Variants in URGCP observed in about 807,000 individuals in gnomAD.
The protein encoded by URGCP is upregulator of cell proliferation.
URGCP carries 13 observed loss-of-function variants against 24.6 expected under a neutral mutation model. The ratio of observed to expected loss-of-function variants is 0.53; its 90% CI spans 0.34 to 0.84. The LOEUF (loss-of-function observed/expected upper bound fraction) is 0.84. Ranked by LOEUF, URGCP falls within the 40% of genes least tolerant of loss-of-function variation. The pLI is 0.01. For missense variants in URGCP, 899 were observed against 1,194.3 expected, an observed-to-expected ratio of 0.75 and a Z score of 3.64; for synonymous variants, 444 against 487.2, an observed-to-expected ratio of 0.91 and a Z score of 1.17.
At chr7:43,891,894 G>T (rs562636077) in intron 1 of URGCP, among the ~76,000 whole-genome samples, 1 of 151,990 alleles carries the variant, frequency 6.6e-6, no homozygotes, top group African/African-American at 2.4e-5. Context: ...CAATTCTCCT[G>T]CCTCAGCCTC....
intron 1 of URGCP, chr7:43,888,094 T>C (rs1025792057): frequency 5.1e-6 from 2 of 394,112 alleles, no homozygotes; most frequent in Non-Finnish European, 9.2e-6. Flanking sequence ...TGTTTATCTA[T>C]AGGTATATAT....
chr7:43,895,922 A>G (rs1018648881), intron 1 of URGCP, among the ~76,000 whole-genome samples: 2 of 152,268 alleles, frequency 1.3e-5, no homozygotes, highest in Non-Finnish European at 2.9e-5. Flanking sequence ...TAGCCAAGAT[A>G]GGGAATCAAT....
At chr7:43,926,355 C>T in exon 1 of URGCP, 1 of 323,928 alleles carries the variant, frequency 3.1e-6, no homozygotes, top group Non-Finnish European at 5.0e-6. Flanking sequence ...GGCAGCCCCG[C>T]TGCTTCCCCT....
rs778279508 is a variant in URGCP, at chr7:43,877,279, G to A, written c.2184C>T (p.Ala728=). The change falls in exon 6 of 6, where the codon GCC becomes GCT. Residue 728 remains alanine (A), a synonymous_variant. Transcript: ENST00000453200. ...CAGCCACTGTGATGAGCTGCATGAA[G>A]GCCCCTCGAGGACCGCAGCTCTTCC... The part of the protein sequence containing the change: ...ATGKSCGPRG[A]FMQLITVAEG... 1.9e-6 allele frequency: 3 copies of A among 1,613,866 alleles called. No homozygotes were observed. Among genetic ancestry groups the A allele is most frequent in the African/African-American group, 1.3e-5 (1 of 75,056 alleles).
intron 1 of URGCP, among the ~76,000 whole-genome samples, chr7:43,914,329 G>C (rs11770438): frequency 0.15 from 22,833 of 151,966 alleles, 1,844 homozygotes; most frequent in Admixed American, 0.19. Context: ...TGGTAAAACC[G>C]CATCTCTAAC....
upstream of URGCP, among the ~76,000 whole-genome samples, chr7:43,908,991 GT>G: frequency 6.6e-6 from 1 of 152,250 alleles, no homozygotes; most frequent in East Asian, 1.9e-4. Context: ...AACCCCTACT[GT>G]TGGACATAAA....
intron 1 of URGCP, among the ~76,000 whole-genome samples, chr7:43,913,362 C>T (rs1049277737): frequency 2.0e-5 from 3 of 151,936 alleles, no homozygotes; most frequent in African/African-American, 7.3e-5. Context: ...GCGCCTGCCA[C>T]CACTCCCGGC....
chr7:43,899,821 G>C (rs571779512), intron 1 of URGCP, among the ~76,000 whole-genome samples: 14 of 152,280 alleles, frequency 9.2e-5, no homozygotes, highest in African/African-American at 3.1e-4. Flanking sequence ...TGCCCTAAAA[G>C]AAAGTATTAG....
chr7:43,879,932 CTTTT>C (rs988764062), intron 5 of URGCP: 4 of 148,432 alleles, frequency 2.7e-5, no homozygotes. Flanking sequence ...TCTCCCCTTT[CTTTT>C]TTTTTTAGAC....
intron 3 of URGCP, among the ~76,000 whole-genome samples, chr7:43,886,104 A>C (rs2095861683): frequency 6.6e-6 from 1 of 152,196 alleles, no homozygotes; most frequent in African/African-American, 2.4e-5. Flanking sequence ...TGCTTACAAC[A>C]ATGTTAGTGC....
At position 43,877,038 on chromosome 7, in the gene URGCP, T is replaced by G. The variant is rs2095845730; in HGVS notation, c.2425A>C (p.Thr809Pro). The G allele has an allele frequency of 6.2e-7, 1 of 1,614,104 alleles. No homozygotes were observed. Among genetic ancestry groups the G allele is most frequent in the Non-Finnish European group, 8.5e-7 (1 of 1,180,034 alleles). ...AACTGGTAGTTGGGCATGTGCCCCG[T>G]TTTTTCTAACCTCAGAAATGCATGC... ...ILHAFLRLEK[T>P]GHMPNYQFVY... Residue 809 changes from threonine to proline, a missense_variant, in exon 6 of 6, where the codon ACG becomes CCG. By Grantham distance (38) the Thr-to-Pro change is conservative. Coordinates refer to ENST00000453200, the MANE Select transcript of URGCP (RefSeq NM_001077663.3).
chr7:43,885,013 G>C (rs757863137), intron 3 of URGCP, among the ~76,000 whole-genome samples: 1 of 152,014 alleles, frequency 6.6e-6, no homozygotes, highest in Non-Finnish European at 1.5e-5. Flanking sequence ...TCAGCTTCTC[G>C]ATCTGGTTTC....
At chr7:43,926,660 G>C (rs1260586896), upstream of URGCP, 1 of 1,271,324 alleles carries the variant, frequency 7.9e-7, no homozygotes, top group Admixed American at 3.0e-5. Context: ...TCCGCGAGTC[G>C]CGGATACACC....
chr7:43,900,012 G>A lies in URGCP; in HGVS notation c.14+6550C>T, dbSNP rs187701937. 3.3e-3 allele frequency among the ~76,000 whole-genome samples: 499 copies of A among 152,188 alleles called. 8 individuals are homozygous for A. Among genetic ancestry groups the A allele is most frequent in the East Asian group, 2.3e-3 (12 of 5,178 alleles). On this transcript the variant is annotated intron_variant, in intron 1 of 5. Transcript: ENST00000453200. ...AAATCCACAATAGCCAGGTGTGGTG[G>A]CATGCGCCTGTAGTCCCAGCTACTC...
At chr7:43,885,614 A>G (rs866106912) in intron 3 of URGCP, among the ~76,000 whole-genome samples, 4 of 152,320 alleles carry the variant, frequency 2.6e-5, no homozygotes, top group South Asian at 2.1e-4. Flanking sequence ...GGTTTCCTCA[A>G]ATGAAACAGG....
upstream of URGCP, among the ~76,000 whole-genome samples, chr7:43,908,332 C>A (rs921185575): frequency 2.6e-5 from 4 of 152,204 alleles, no homozygotes; most frequent in African/African-American, 9.6e-5. Flanking sequence ...CCTGCCTCAG[C>A]CTCCCAAAGT....
intron 1 of URGCP, among the ~76,000 whole-genome samples, chr7:43,913,615 G>C (rs2095912530): frequency 6.6e-6 from 1 of 152,102 alleles, no homozygotes; most frequent in African/African-American, 2.4e-5. Context: ...TCTTATTAAA[G>C]AGCCCTTAAA....
chr7:43,925,390 G>T (rs769255187), intron 1 of URGCP, among the ~76,000 whole-genome samples: 1 of 152,158 alleles, frequency 6.6e-6, no homozygotes, highest in Non-Finnish European at 1.5e-5. Flanking sequence ...GCTCAAACAT[G>T]TCTCAGTCTG....
chr7:43,903,557 G>C (rs938009654), intron 1 of URGCP, among the ~76,000 whole-genome samples: 8 of 152,054 alleles, frequency 5.3e-5, no homozygotes, highest in Admixed American at 4.6e-4. Context: ...ACTTCACACA[G>C]CTAACCCAGG....
Sources: allele counts gnomAD v4.1 joint callset (sites outside exome capture counted in the v4.1 genomes callset), GRCh38; gene constraint gnomAD v4.1.1; transcripts MANE v1.5; gene names NCBI Gene and HGNC (gene_info 2026-07-23, HGNC 2026-07-21).